CCDC170: variants seen among roughly 807,000 people sequenced by gnomAD.
The protein encoded by CCDC170 is coiled-coil domain containing 170.
A neutral mutation model predicts 72.6 loss-of-function variants in CCDC170; 69 were observed. That is an observed-to-expected ratio of 0.95 (90% CI 0.78 to 1.16). The LOEUF (loss-of-function observed/expected upper bound fraction) is 1.16. Ranked by LOEUF, CCDC170 falls within the 50% of genes most tolerant of loss-of-function variation. The probability of loss-of-function intolerance (pLI) is 0.00; values close to 1 mark genes in which losing one functional copy is unlikely to be tolerated. For missense variants in CCDC170, 852 were observed against 832.5 expected, an observed-to-expected ratio of 1.02 and a Z score of -0.29; for synonymous variants, 300 against 303.9, an observed-to-expected ratio of 0.99 and a Z score of 0.13.
chr6:151,510,363 G>A (rs1202374473), intron 1 of CCDC170, among the ~76,000 whole-genome samples: 1 of 152,086 alleles, frequency 6.6e-6, no homozygotes, highest in Non-Finnish European at 1.5e-5. Flanking sequence ...GCTAATTCTA[G>A]AAATGAGTTA....
rs780980566 is a variant in CCDC170, at chr6:151,618,025, A to G, written c.2026A>G (p.Ile676Val). 2.5e-6 allele frequency: 4 copies of G among 1,614,154 alleles called. No homozygotes were observed. The highest frequency in any genetic ancestry group is 3.4e-6 in the Non-Finnish European group (4 of 1,180,018). Residue 676 changes from isoleucine (I) to valine (V), a missense_variant, in exon 11 of 11, where the codon ATC becomes GTC. Transcript: ENST00000239374. ...TSLALPDYEIIKCLERLVHSH... is the reference protein window; with the variant it reads ...TSLALPDYEIVKCLERLVHSH... ...CCTTGCTCTTCCTGATTATGAAATC[A>G]TCAAGTGTCTTGAAAGATTGGTCCA...
intron 5 of CCDC170, among the ~76,000 whole-genome samples, chr6:151,557,010 C>T (rs1782989488): frequency 6.6e-6 from 1 of 152,144 alleles, no homozygotes; most frequent in Non-Finnish European, 1.5e-5. Context: ...TGACTTATTT[C>T]ACTCAACATA....
intron 1 of CCDC170, among the ~76,000 whole-genome samples, chr6:151,495,366 ATAAG>A (rs1402448034): frequency 2.0e-5 from 3 of 152,084 alleles, no homozygotes; most frequent in African/African-American, 4.8e-5. Flanking sequence ...TTAACCATAC[ATAAG>A]TATGTGGTAT....
intron 5 of CCDC170, among the ~76,000 whole-genome samples, chr6:151,553,303 T>C (rs1677229296): frequency 6.6e-6 from 1 of 152,198 alleles, no homozygotes; most frequent in Non-Finnish European, 1.5e-5. Context: ...TATTGTACCT[T>C]CAGCAATAAT....
chr6:151,531,476 T>C lies in CCDC170; in HGVS notation c.58-4842T>C, dbSNP rs138181072. Among the ~76,000 whole-genome samples the C allele has an allele frequency of 8.7e-3, 1,322 of 152,224 alleles. 20 individuals carry two copies. The highest frequency in any genetic ancestry group is 0.03 in the African/African-American group (1,242 of 41,542). On this transcript the variant is annotated intron_variant, in intron 1 of 10. Coordinates refer to ENST00000239374, the MANE Select transcript of CCDC170 (RefSeq NM_025059.4). Reference sequence around the variant, plus strand: ...AAAATTAGCCAGGTGTGGTGGCACATGCTTGTAGTCCTAGCTACTCGAGGG... The same window carrying C: ...AAAATTAGCCAGGTGTGGTGGCACACGCTTGTAGTCCTAGCTACTCGAGGG...
At chr6:151,510,204 C>T (rs1782128871) in intron 1 of CCDC170, among the ~76,000 whole-genome samples, 1 of 152,172 alleles carries the variant, frequency 6.6e-6, no homozygotes, top group Non-Finnish European at 1.5e-5. Context: ...GTCAGAAAGT[C>T]TTGGTTTGAA....
At chr6:151,495,277 A>C (rs1035085305) in intron 1 of CCDC170, among the ~76,000 whole-genome samples, 1 of 152,176 alleles carries the variant, frequency 6.6e-6, no homozygotes, top group African/African-American at 2.4e-5. Context: ...TCTAACTCAG[A>C]GGCCAGTTAC....
chr6:151,551,130 AC>A (rs1782871981), intron 5 of CCDC170, among the ~76,000 whole-genome samples: 1 of 152,106 alleles, frequency 6.6e-6, no homozygotes, highest in South Asian at 2.1e-4. Flanking sequence ...CCCACCATCC[AC>A]CCAGATGCAA....
At chr6:151,602,135 G>A (rs57995770) in intron 9 of CCDC170, among the ~76,000 whole-genome samples, 4,363 of 152,220 alleles carry the variant, frequency 0.029, 175 homozygotes, top group African/African-American at 0.092. Context: ...TCTGTTTTAA[G>A]ACCCAGGCTG....
intron 1 of CCDC170, among the ~76,000 whole-genome samples, chr6:151,496,472 A>C (rs1781914715): frequency 6.6e-6 from 1 of 152,226 alleles, no homozygotes; most frequent in Non-Finnish European, 1.5e-5. Flanking sequence ...CATTTATTAC[A>C]ATTAAATGTT....
At chr6:151,514,933 A>G (rs1043284326) in intron 1 of CCDC170, among the ~76,000 whole-genome samples, 22 of 152,184 alleles carry the variant, frequency 1.4e-4, no homozygotes, top group Admixed American at 1.2e-3. Context: ...TGACTTTTGA[A>G]AGCTTGGTAG....
At chr6:151,603,861 T>A (rs538980771) in intron 9 of CCDC170, among the ~76,000 whole-genome samples, 1 of 152,348 alleles carries the variant, frequency 6.6e-6, no homozygotes, top group South Asian at 2.1e-4. Flanking sequence ...ACAACACTTC[T>A]TATGTCTCCA....
Position 151,573,465 on chromosome 6 carries a change from G to A in CCDC170, c.1066G>A (p.Asp356Asn), listed in dbSNP as rs769243058. 6.2e-7 allele frequency: 1 copy of A among 1,614,032 alleles called. No individual in the cohort carries two copies. Residue 356 changes from aspartate to asparagine, a missense_variant, in exon 6 of 11, where the codon GAC (aspartate) becomes AAC (asparagine). Physicochemically the swap from Asp to Asn is conservative, Grantham distance 23. Coordinates refer to ENST00000239374, the MANE Select transcript of CCDC170 (RefSeq NM_025059.4). ...DTILEKIREM[D>N]SREESRDRMV... ...CATTTTGGAGAAGATTCGAGAAATG[G>A]ACAGCCGGGAAGAAAGCAGGGACCG... is the stretch of plus-strand genomic sequence containing the variant.
At chr6:151,509,019 A>G (rs1292382038) in intron 1 of CCDC170, among the ~76,000 whole-genome samples, 1 of 147,274 alleles carries the variant, frequency 6.8e-6, no homozygotes, top group Non-Finnish European at 1.5e-5. Flanking sequence ...CCTTCTCAAA[A>G]AAAAAAAAAA....
At chr6:151,507,756 A>G (rs1583001791) in intron 1 of CCDC170, among the ~76,000 whole-genome samples, 1 of 152,012 alleles carries the variant, frequency 6.6e-6, no homozygotes. Context: ...CCCTGTATCT[A>G]CTAAAAATAC....
At chr6:151,514,523 A>C (rs924683735) in intron 1 of CCDC170, among the ~76,000 whole-genome samples, 2 of 152,202 alleles carry the variant, frequency 1.3e-5, no homozygotes, top group African/African-American at 4.8e-5. Context: ...AAGAACCCAG[A>C]AGGTGAAACA....
At chr6:151,585,639 T>C (rs995017703) in intron 6 of CCDC170, among the ~76,000 whole-genome samples, 3 of 152,334 alleles carry the variant, frequency 2.0e-5, no homozygotes, top group African/African-American at 7.2e-5. Context: ...TAAATTTTTA[T>C]TGATTAACCT....
chr6:151,532,940 T>G (rs1782511792), intron 1 of CCDC170, among the ~76,000 whole-genome samples: 1 of 152,250 alleles, frequency 6.6e-6, no homozygotes, highest in African/African-American at 2.4e-5. Flanking sequence ...CGCTGCTTTC[T>G]CTCAGATCCT....
At position 151,596,577 on chromosome 6, in the gene CCDC170, G is replaced by T; in HGVS notation, c.1710G>T (p.Lys570Asn). 6.2e-7 allele frequency: 1 copy of T among 1,613,662 alleles called. No individual in the cohort carries two copies. Among genetic ancestry groups the T allele is most frequent in the South Asian group, 1.1e-5 (1 of 90,946 alleles). The stretch of plus-strand genomic sequence containing the variant: ...AACTGGCCGACACCAATGAACTGAA[G>T]GCAAGTGCTTGGCTTCATTTTGTTG... Reference protein sequence around the residue: ...KAKLADTNELKIKTLEQTKAI... With the variant: ...KAKLADTNELNIKTLEQTKAI... The change falls in exon 9 of 11, where the codon AAG (lysine) becomes AAT (asparagine). Residue 570 changes from lysine (K) to asparagine (N), a missense_variant and splice_region_variant. Physicochemically the swap from Lys to Asn is moderately conservative, Grantham distance 94 (BLOSUM62 0). Coordinates refer to ENST00000239374, the MANE Select transcript of CCDC170 (RefSeq NM_025059.4).
Sources: gnomAD v4.1 joint callset for allele counts (sites outside exome capture counted in the v4.1 genomes callset) on GRCh38, gnomAD v4.1.1 for gene constraint, MANE v1.5 for transcripts, NCBI Gene and HGNC (gene_info 2026-07-23, HGNC 2026-07-21) for gene names.